CADM1: variants seen among roughly 807,000 people sequenced by gnomAD.
CADM1 encodes the protein TSLC-1.
In CADM1, 15 loss-of-function variants were observed where a neutral mutation model predicts 53.1. The observed-to-expected ratio is 0.28, with a 90% CI of 0.19 to 0.44. The LOEUF (loss-of-function observed/expected upper bound fraction) is 0.44, where lower values mean the gene tolerates loss of function less well. CADM1 is among the 20% of genes least tolerant of loss of function. The pLI, the probability that CADM1 is intolerant of heterozygous loss-of-function variation, is 1.00. For missense variants in CADM1, 434 were observed against 611.3 expected (o/e 0.71, Z 3.06); for synonymous variants, 281 against 243.0 (o/e 1.16, Z -1.45).
At chr11:115,489,273 C>T (rs1287917449) in intron 1 of CADM1, among the ~76,000 whole-genome samples, 8 of 152,114 alleles carry the variant, frequency 5.3e-5, no homozygotes, top group Non-Finnish European at 8.8e-5. Context: ...AAGTCAGGCA[C>T]GTTGATAGCT....
chr11:115,303,624 G>T (rs1944290939), intron 1 of CADM1, among the ~76,000 whole-genome samples: 1 of 151,994 alleles, frequency 6.6e-6, no homozygotes, highest in South Asian at 2.1e-4. Flanking sequence ...AGAAAAACTG[G>T]CACTTTGTCA....
chr11:115,343,651 A>G (rs1591728241), intron 1 of CADM1, among the ~76,000 whole-genome samples: 1 of 151,808 alleles, frequency 6.6e-6, no homozygotes. Flanking sequence ...AAATTATTCT[A>G]TCAGATTATA....
chr11:115,228,165 T>TG (rs1441092451), intron 5 of CADM1, among the ~76,000 whole-genome samples: 2 of 152,306 alleles, frequency 1.3e-5, no homozygotes, highest in East Asian at 1.9e-4. Flanking sequence ...GAAAAATCAA[T>TG]GAACGATCCA....
chr11:115,484,896 G>T (rs1011282825), intron 1 of CADM1, among the ~76,000 whole-genome samples: 2 of 150,704 alleles, frequency 1.3e-5, no homozygotes, highest in Non-Finnish European at 2.9e-5. Context: ...GCAGTAAGCC[G>T]AGATTATGCC....
intron 1 of CADM1, among the ~76,000 whole-genome samples, chr11:115,492,932 TACACAC>T (rs57800253): frequency 3.7e-4 from 55 of 146,838 alleles, no homozygotes; most frequent in Admixed American, 6.8e-4. Context: ...GGATATTTTA[TACACAC>T]ACACACACAC....
At chr11:115,231,986 C>CAAT (rs34209440) in intron 3 of CADM1, among the ~76,000 whole-genome samples, 17,622 of 148,252 alleles carry the variant, frequency 0.12, 1,472 homozygotes, top group Admixed American at 0.26. Context: ...AACTCCGTCT[C>CAAT]AATAATAATA....
intron 1 of CADM1, among the ~76,000 whole-genome samples, chr11:115,273,305 A>C (rs1565337522): frequency 6.6e-6 from 1 of 152,220 alleles, no homozygotes; most frequent in Non-Finnish European, 1.5e-5. Context: ...TCTATACTAC[A>C]GTGGTGGTTT....
chr11:115,344,851 G>A (rs1028759646), intron 1 of CADM1, among the ~76,000 whole-genome samples: 3 of 152,070 alleles, frequency 2.0e-5, no homozygotes, highest in Non-Finnish European at 4.4e-5. Flanking sequence ...CATCCTCAAT[G>A]TTTCCCCATT....
intron 5 of CADM1, among the ~76,000 whole-genome samples, chr11:115,219,784 G>C (rs73572143): frequency 6.6e-6 from 1 of 152,118 alleles, no homozygotes; most frequent in Admixed American, 6.5e-5. Flanking sequence ...CATCAGGTGT[G>C]GGTTTATTGT....
At chr11:115,196,535 T>C (rs555472696) in intron 9 of CADM1, among the ~76,000 whole-genome samples, 10 of 140,444 alleles carry the variant, frequency 7.1e-5, no homozygotes, top group African/African-American at 2.4e-4. Context: ...CTGGACCACA[T>C]TGGAAGAAGA....
At chr11:115,384,852 C>T (rs1445497307) in intron 1 of CADM1, among the ~76,000 whole-genome samples, 3 of 152,148 alleles carry the variant, frequency 2.0e-5, no homozygotes, top group Non-Finnish European at 2.9e-5. Context: ...TCCACTGGCC[C>T]GTGACCTCCC....
chr11:115,486,553 C>T (rs1949377137), intron 1 of CADM1, among the ~76,000 whole-genome samples: 1 of 152,092 alleles, frequency 6.6e-6, no homozygotes, highest in Non-Finnish European at 1.5e-5. Flanking sequence ...CTATGTTGCC[C>T]AGGCTGGTCT....
intron 1 of CADM1, among the ~76,000 whole-genome samples, chr11:115,329,841 G>T (rs1945085165): frequency 1.3e-5 from 2 of 151,636 alleles, no homozygotes; most frequent in Non-Finnish European, 1.5e-5. Context: ...GCGGGAAGAT[G>T]ATCTTCCTCT....
chr11:115,275,501 G>C (rs774903455), intron 1 of CADM1, among the ~76,000 whole-genome samples: 5 of 152,138 alleles, frequency 3.3e-5, no homozygotes, highest in African/African-American at 4.8e-5. Flanking sequence ...AATTCCATTT[G>C]TATGGCATAT....
intron 9 of CADM1, among the ~76,000 whole-genome samples, chr11:115,194,527 G>C (rs1940055349): frequency 6.6e-6 from 1 of 152,110 alleles, no homozygotes; most frequent in South Asian, 2.1e-4. Context: ...TACCACAATT[G>C]CATACTGAAT....
chr11:115,418,957 GAAGA>G (rs1206006865), intron 1 of CADM1, among the ~76,000 whole-genome samples: 4 of 152,124 alleles, frequency 2.6e-5, no homozygotes, highest in Admixed American at 6.6e-5. Context: ...AAATATTACA[GAAGA>G]AAGGAAAAGG....
chr11:115,276,345 AG>A (rs1488085377), intron 1 of CADM1, among the ~76,000 whole-genome samples: 1 of 152,166 alleles, frequency 6.6e-6, no homozygotes, highest in East Asian at 1.9e-4. Context: ...CAGGATTAGG[AG>A]GGGGAAAGTC....
At chr11:115,242,156 G>C (rs1165111624) in intron 1 of CADM1, among the ~76,000 whole-genome samples, 5 of 151,848 alleles carry the variant, frequency 3.3e-5, no homozygotes, top group Non-Finnish European at 5.9e-5. Context: ...GATGCTTGAG[G>C]AGCAGACCAA....
chr11:115,313,056 A>C (rs1944572685), intron 1 of CADM1, among the ~76,000 whole-genome samples: 1 of 152,154 alleles, frequency 6.6e-6, no homozygotes, highest in Non-Finnish European at 1.5e-5. Flanking sequence ...TATTGGCAAC[A>C]ATTTCTCATG....
Sources: allele counts gnomAD v4.1 joint callset (sites outside exome capture counted in the v4.1 genomes callset), GRCh38; gene constraint gnomAD v4.1.1; transcripts MANE v1.5; gene names NCBI Gene and HGNC (gene_info 2026-07-23, HGNC 2026-07-21).